Variants in PDE10A observed in about 807,000 individuals in gnomAD.
The protein encoded by PDE10A is phosphodiesterase 10A.
PDE10A carries 39 observed loss-of-function variants against 97.7 expected under a neutral mutation model. That is an observed-to-expected ratio of 0.40 (90% CI 0.31 to 0.52). The LOEUF is 0.52. Among genes scored for constraint, PDE10A ranks in the 20% least tolerant of loss-of-function variants. The pLI, the probability that PDE10A is intolerant of heterozygous loss-of-function variation, is 0.56. For synonymous variants in PDE10A, 371 were observed against 376.8 expected, an observed-to-expected ratio of 0.98 and a Z score of 0.18; for missense variants, 731 against 1,047.8, an observed-to-expected ratio of 0.70 and a Z score of 4.17.
chr6:165,964,539 G>A (rs981443448), intron 1 of PDE10A, among the ~76,000 whole-genome samples: 1 of 152,180 alleles, frequency 6.6e-6, no homozygotes, highest in African/African-American at 2.4e-5. Context: ...ACTTAGGGAT[G>A]CTAGTGGAAT....
At chr6:165,466,820 T>G (rs986061671) in intron 3 of PDE10A, among the ~76,000 whole-genome samples, 2 of 152,160 alleles carry the variant, frequency 1.3e-5, no homozygotes, top group Non-Finnish European at 2.9e-5. Flanking sequence ...AAGAGTCACA[T>G]GTGTTTCACT....
chr6:165,800,436 G>A lies in PDE10A; in HGVS notation c.-615+187093C>T, dbSNP rs187343493. ...GGCAGCTGGAGGGTCAGGGAGCATCGGCTGGAACTGCGGCCAGCTTTGCAG... is the reference window on the plus strand; with the variant it reads ...GGCAGCTGGAGGGTCAGGGAGCATCAGCTGGAACTGCGGCCAGCTTTGCAG... On this transcript the variant is annotated intron_variant, in intron 1 of 19. Coordinates refer to the PDE10A transcript ENST00000366882. Among the ~76,000 whole-genome samples the A allele has an allele frequency of 4.5e-4, 68 of 152,270 alleles. No homozygotes were observed. In the Middle Eastern group the frequency reaches 0.017, roughly 38 times the overall value.
chr6:165,620,445 A>G (rs1205447693), intron 1 of PDE10A, among the ~76,000 whole-genome samples: 1 of 152,216 alleles, frequency 6.6e-6, no homozygotes, highest in African/African-American at 2.4e-5. Flanking sequence ...GCTACAAAGC[A>G]TACCAGGGAA....
At chr6:165,854,071 G>A (rs1780645264) in intron 1 of PDE10A, among the ~76,000 whole-genome samples, 1 of 152,198 alleles carries the variant, frequency 6.6e-6, no homozygotes, top group South Asian at 2.1e-4. Flanking sequence ...CCAGACAGAC[G>A]CGCGGGGTCC....
intron 3 of PDE10A, among the ~76,000 whole-genome samples, chr6:165,468,267 T>C (rs1359043913): frequency 1.3e-5 from 2 of 151,578 alleles, no homozygotes; most frequent in African/African-American, 4.8e-5. Context: ...TTTTTTTTTT[T>C]TTAGTAGAGA....
intron 1 of PDE10A, among the ~76,000 whole-genome samples, chr6:165,702,495 C>T (rs1791604033): frequency 1.3e-5 from 2 of 152,216 alleles, no homozygotes; most frequent in Non-Finnish European, 2.9e-5. Context: ...CTTCCGAGGA[C>T]ATGTGGGCAG....
At chr6:165,880,983 T>G (rs1280051464) in intron 1 of PDE10A, among the ~76,000 whole-genome samples, 1 of 152,260 alleles carries the variant, frequency 6.6e-6, no homozygotes, top group East Asian at 1.9e-4. Flanking sequence ...GTTTTTGATG[T>G]TTAAGAAGCC....
Position 165,612,695 on chromosome 6 carries a change from T to C in PDE10A, c.865+49252A>G, listed in dbSNP as rs566316241. On this transcript the variant is annotated intron_variant, in intron 1 of 21. Transcript: ENST00000539869. ...TATTTTTGTCTCATGTTGAGATGAA[T>C]GCAAATTAAAGTATACTTCAAGAAA... Among the ~76,000 whole-genome samples the C allele has an allele frequency of 7.2e-5, 11 of 152,292 alleles. No individual in the cohort carries two copies. The South Asian group carries it at 2.3e-3, about 32-fold the overall frequency.
intron 2 of PDE10A, among the ~76,000 whole-genome samples, chr6:165,529,885 G>A (rs1179631346): frequency 1.3e-5 from 2 of 152,092 alleles, no homozygotes; most frequent in African/African-American, 4.8e-5. Context: ...GACTTGTGAT[G>A]GTTTATACTG....
intron 18 of PDE10A, among the ~76,000 whole-genome samples, chr6:165,371,871 T>G (rs931471006): frequency 1.2e-4 from 19 of 152,098 alleles, no homozygotes; most frequent in Non-Finnish European, 7.3e-5. Flanking sequence ...TCAAAAAGCT[T>G]ATCCACCATG....
intron 1 of PDE10A, among the ~76,000 whole-genome samples, chr6:165,730,298 C>T (rs1471877240): frequency 6.6e-6 from 1 of 152,158 alleles, no homozygotes; most frequent in African/African-American, 2.4e-5. Flanking sequence ...GAGAGTTCAA[C>T]TTATTCTACC....
chr6:165,781,480 G>A (rs1321688145), intron 1 of PDE10A: 2 of 151,722 alleles, frequency 1.3e-5, no homozygotes, highest in African/African-American at 2.4e-5. Context: ...GGTGAGTGCC[G>A]GGTACATGCT....
At chr6:165,890,490 C>G (rs1781762387) in intron 1 of PDE10A, among the ~76,000 whole-genome samples, 2 of 152,108 alleles carry the variant, frequency 1.3e-5, no homozygotes, top group African/African-American at 2.4e-5. Flanking sequence ...TATGTGTGGA[C>G]CTCATTAGAA....
At chr6:165,835,066 G>A (rs866618977) in intron 1 of PDE10A, among the ~76,000 whole-genome samples, 4 of 152,192 alleles carry the variant, frequency 2.6e-5, no homozygotes, top group Admixed American at 6.5e-5. Context: ...CATTCAGCGG[G>A]AGGCAGTGCA....
intron 1 of PDE10A, among the ~76,000 whole-genome samples, chr6:165,747,756 A>G (rs1417392097): frequency 6.6e-6 from 1 of 152,208 alleles, no homozygotes; most frequent in Non-Finnish European, 1.5e-5. Context: ...GCAGCTGGGC[A>G]GGACCTGGTG....
chr6:165,401,730 G>A (rs1786680281), intron 13 of PDE10A, among the ~76,000 whole-genome samples: 2 of 152,306 alleles, frequency 1.3e-5, no homozygotes, highest in South Asian at 2.1e-4. Flanking sequence ...CCCACTCTGT[G>A]AGAGGAGACT....
intron 1 of PDE10A, among the ~76,000 whole-genome samples, chr6:165,678,191 GTGTA>G (rs796517978): frequency 3.4e-5 from 5 of 146,394 alleles, no homozygotes; most frequent in Admixed American, 6.8e-5. Context: ...ATGTGTGTCT[GTGTA>G]TGTATATGTG....
At chr6:165,826,900 C>A (rs1420656107) in intron 1 of PDE10A, among the ~76,000 whole-genome samples, 1 of 150,466 alleles carries the variant, frequency 6.6e-6, no homozygotes, top group Non-Finnish European at 1.5e-5. Context: ...CAAAGTGGGT[C>A]ATGAGGTGGG....
At chr6:165,458,669 G>GCA (rs140253132) in intron 3 of PDE10A, among the ~76,000 whole-genome samples, 4,665 of 150,500 alleles carry the variant, frequency 0.031, 224 homozygotes, top group African/African-American at 0.1. Flanking sequence ...ACAGGCGCAC[G>GCA]CACACACACA....
Sources: gnomAD v4.1 joint callset for allele counts (sites outside exome capture counted in the v4.1 genomes callset) on GRCh38, gnomAD v4.1.1 for gene constraint, MANE v1.5 for transcripts, NCBI Gene and HGNC (gene_info 2026-07-23, HGNC 2026-07-21) for gene names.